Variants in LMOD1 observed in about 807,000 individuals in gnomAD.
The protein encoded by LMOD1 is leiomodin-1.
A neutral mutation model predicts 36.5 loss-of-function variants in LMOD1; 8 were observed. That is an observed-to-expected ratio of 0.22 (90% CI 0.13 to 0.40). The LOEUF is 0.40. LMOD1 is among the 10% of genes least tolerant of loss of function. The probability of loss-of-function intolerance (pLI) is 1.00; values close to 1 mark genes in which losing one functional copy is unlikely to be tolerated. For missense variants in LMOD1, 630 were observed against 751.1 expected (o/e 0.84, Z 1.88); for synonymous variants, 284 against 288.7 (o/e 0.98, Z 0.17).
chr1:201,907,050 C>T (rs1002231382), intron 1 of LMOD1, among the ~76,000 whole-genome samples: 2 of 152,170 alleles, frequency 1.3e-5, no homozygotes, highest in African/African-American at 4.8e-5. Flanking sequence ...ATCAAAGATT[C>T]AGATCTTGTA....
Position 201,905,235 on chromosome 1 carries a change from G to A in LMOD1, c.262-4484C>T, listed in dbSNP as rs1296921342. Reference sequence around the variant, plus strand: ...TGGAAAGGATGACCTCTGAAAGCCGGTACTGACCTGTGACACATTGAGGTA... The same window carrying A: ...TGGAAAGGATGACCTCTGAAAGCCGATACTGACCTGTGACACATTGAGGTA... On this transcript the variant is annotated intron_variant, in intron 1 of 2. Transcript: ENST00000367288. 3.9e-5 allele frequency among the ~76,000 whole-genome samples: 6 copies of A among 152,194 alleles called. No homozygotes were observed. The East Asian group carries it at 1.2e-3, about 29-fold the overall frequency.
intron 1 of LMOD1, among the ~76,000 whole-genome samples, chr1:201,941,614 G>A (rs561285387): frequency 5.6e-4 from 86 of 152,252 alleles, no homozygotes; most frequent in Non-Finnish European, 7.9e-4. Context: ...CTGAGGGTTA[G>A]GCCGCCGGCC....
At position 201,899,973 on chromosome 1, in the gene LMOD1, A is replaced by G. The variant is rs1681267393; in HGVS notation, c.1040T>C (p.Ile347Thr). ...CAGAGCCTCAGTAAACCGGACCAAG[A>G]TCTCATTTGTGATGCAGTCTGAGTT... ...VNNSDCITNE[I>T]LVRFTEALEF... Residue 347 changes from isoleucine to threonine, a missense_variant, in exon 2 of 3, where the codon ATC becomes ACC. Ile to Thr is a moderately conservative substitution (Grantham distance 89). Coordinates refer to ENST00000367288, the MANE Select transcript of LMOD1 (RefSeq NM_012134.3). The surrounding 1 kb of genome is among the most constrained non-coding windows in gnomAD (Gnocchi z 6.3). 6.2e-7 allele frequency: 1 copy of G among 1,613,620 alleles called. No homozygotes were observed. Among genetic ancestry groups the G allele is most frequent in the African/African-American group, 1.3e-5 (1 of 74,818 alleles).
intron 1 of LMOD1, among the ~76,000 whole-genome samples, chr1:201,931,900 C>A (rs532158019): frequency 1.5e-3 from 229 of 149,358 alleles, no homozygotes; most frequent in African/African-American, 5.2e-3. Flanking sequence ...GACCCTGTAT[C>A]AAAAAAAAAC....
chr1:201,905,895 A>G (rs1309180828), intron 1 of LMOD1, among the ~76,000 whole-genome samples: 1 of 152,238 alleles, frequency 6.6e-6, no homozygotes, highest in Non-Finnish European at 1.5e-5. Flanking sequence ...CACAGGTGAT[A>G]CCACTGCCGT....
intron 2 of LMOD1, among the ~76,000 whole-genome samples, chr1:201,898,633 G>C (rs971522517): frequency 1.3e-5 from 2 of 152,200 alleles, no homozygotes; most frequent in Non-Finnish European, 2.9e-5. Context: ...AGATGATGTT[G>C]TGGGGGTTGG....
At chr1:201,932,003 G>A (rs973933645) in intron 1 of LMOD1, among the ~76,000 whole-genome samples, 7 of 152,120 alleles carry the variant, frequency 4.6e-5, no homozygotes, top group Non-Finnish European at 1.0e-4. Flanking sequence ...AGGTTATAGG[G>A]TTTTAATCCA....
At chr1:201,945,927 C>T (rs2819370) in intron 1 of LMOD1, among the ~76,000 whole-genome samples, 153 bp downstream of exon 1, 51,730 of 151,976 alleles carry the variant, frequency 0.34, 9,916 homozygotes, top group South Asian at 0.54. Context: ...AGATTCGCAC[C>T]GCTAGTTCAG....
intron 1 of LMOD1, among the ~76,000 whole-genome samples, chr1:201,940,273 A>G (rs935303118): frequency 7.4e-6 from 1 of 135,416 alleles, no homozygotes; most frequent in African/African-American, 2.8e-5. Flanking sequence ...TGCAACCTCC[A>G]TCTCCTGGGT....
At chr1:201,918,033 A>G (rs143199415) in intron 1 of LMOD1, among the ~76,000 whole-genome samples, 12 of 152,300 alleles carry the variant, frequency 7.9e-5, no homozygotes, top group African/African-American at 2.9e-4. Flanking sequence ...TGAAAGTTTT[A>G]GTAATTCTTG....
chr1:201,898,289 T>C lies in LMOD1; in HGVS notation c.*83A>G. On this transcript the variant is annotated 3_prime_UTR_variant, in exon 3 of 3. Coordinates refer to ENST00000367288, the MANE Select transcript of LMOD1 (RefSeq NM_012134.3). ...ACATCCACAGCAGGTCAGCCAGGGA[T>C]GGGGTGGGCAGGGTCTGTGTAGCCC... 7.1e-7 allele frequency: 1 copy of C among 1,411,788 alleles called. No homozygotes were observed. The highest frequency in any genetic ancestry group is 1.2e-5 in the South Asian group (1 of 82,592). 87.5% of individuals were successfully genotyped at this position (1,411,788 alleles called of 1,614,324 possible).
At position 201,946,135 on chromosome 1, in the gene LMOD1, A is replaced by G. The variant is rs1682206756; in HGVS notation, c.206T>C (p.Leu69Pro). The change falls in exon 1 of 3, where the codon CTC becomes CCC. Residue 69 changes from leucine (L) to proline (P), a missense_variant. By Grantham distance (98) the Leu-to-Pro change is moderately conservative. Transcript: ENST00000367288. ...STGVYNREAM[L>P]NFCEKETKKL... ...CTTGGTCTCCTTTTCACAGAAGTTGAGCATGGCCTCCCGGTTGTACACACC... is the reference window on the plus strand; with the variant it reads ...CTTGGTCTCCTTTTCACAGAAGTTGGGCATGGCCTCCCGGTTGTACACACC... The G allele has an allele frequency of 6.2e-7, 1 of 1,613,788 alleles. No individual in the cohort carries two copies. Among genetic ancestry groups the G allele is most frequent in the African/African-American group, 1.3e-5 (1 of 74,876 alleles).
At chr1:201,939,355 G>A (rs1682076049) in intron 1 of LMOD1, among the ~76,000 whole-genome samples, 1 of 152,180 alleles carries the variant, frequency 6.6e-6, no homozygotes, top group Non-Finnish European at 1.5e-5. Flanking sequence ...AAGAAGCTAT[G>A]TTAATGAGAT....
intron 1 of LMOD1, among the ~76,000 whole-genome samples, chr1:201,942,190 T>C (rs951411146): frequency 6.6e-6 from 1 of 152,158 alleles, no homozygotes; most frequent in East Asian, 1.9e-4. Flanking sequence ...TAACATTCAC[T>C]CAACAAACAG....
At chr1:201,898,505 T>C (rs1202548340) in intron 2 of LMOD1, 107 bp from the exon 3 acceptor site, 1 of 995,430 alleles carries the variant, frequency 1.0e-6, no homozygotes, top group East Asian at 2.8e-5. Context: ...GTCTGTGGAA[T>C]GTGAATGAGG....
intron 1 of LMOD1, among the ~76,000 whole-genome samples, chr1:201,915,968 G>A (rs1681603657): frequency 1.3e-5 from 2 of 151,862 alleles, no homozygotes; most frequent in South Asian, 2.1e-4. Flanking sequence ...CCTCTGGGCT[G>A]CAGTGCAGTG....
chr1:201,907,760 C>T (rs1681433680), intron 1 of LMOD1, among the ~76,000 whole-genome samples: 1 of 152,164 alleles, frequency 6.6e-6, no homozygotes, highest in Non-Finnish European at 1.5e-5. Flanking sequence ...CCTGTGGGTG[C>T]CAGGAGTCTG....
chr1:201,922,759 C>T (rs1319565916), intron 1 of LMOD1, among the ~76,000 whole-genome samples: 1 of 150,216 alleles, frequency 6.7e-6, no homozygotes, highest in Non-Finnish European at 1.5e-5. Context: ...CTATTATATT[C>T]AGTATATTTG....
chr1:201,903,232 T>A (rs575221013), intron 1 of LMOD1, among the ~76,000 whole-genome samples: 1 of 152,304 alleles, frequency 6.6e-6, no homozygotes, highest in East Asian at 1.9e-4. Flanking sequence ...GCCCCTGGGT[T>A]TTTTTAGCAG....
Sources: gnomAD v4.1 joint callset for allele counts (sites outside exome capture counted in the v4.1 genomes callset) on GRCh38, gnomAD v4.1.1 for gene constraint, Gnocchi (gnomAD v3.1) non-coding constraint, MANE v1.5 for transcripts, NCBI Gene and HGNC (gene_info 2026-07-23, HGNC 2026-07-21) for gene names.